ZYG11B: variants seen among roughly 807,000 people sequenced by gnomAD.
ZYG11B encodes protein zyg-11 homolog B.
Under a neutral mutation model 82.4 loss-of-function variants are expected in ZYG11B, and 36 were observed. That is an observed-to-expected ratio of 0.44 (90% CI 0.33 to 0.58). The LOEUF (loss-of-function observed/expected upper bound fraction) is 0.58. Among genes scored for constraint, ZYG11B ranks in the 20% least tolerant of loss-of-function variants. ZYG11B has a pLI of 0.02. For missense variants in ZYG11B, 552 were observed against 895.6 expected (o/e 0.62, Z 4.90); for synonymous variants, 303 against 312.8 (o/e 0.97, Z 0.33).
At chr1:52,781,140 A>G (rs1442429750) in intron 4 of ZYG11B, among the ~76,000 whole-genome samples, 2 of 152,174 alleles carry the variant, frequency 1.3e-5, no homozygotes, top group African/African-American at 2.4e-5. Flanking sequence ...TCTCAAAACA[A>G]CAACAACAAC....
intron 1 of ZYG11B, among the ~76,000 whole-genome samples, chr1:52,753,236 A>G (rs1419055377): frequency 6.6e-6 from 1 of 152,142 alleles, no homozygotes; most frequent in African/African-American, 2.4e-5. Context: ...CTGGGTATAT[A>G]CTTAGGAGTA....
intron 13 of ZYG11B, among the ~76,000 whole-genome samples, chr1:52,817,779 A>G (rs182763397): frequency 0.087 from 1,166 of 13,358 alleles, 34 homozygotes; most frequent in Middle Eastern, 0.2. Flanking sequence ...ATATATGTGT[A>G]TATATATATA....
intron 3 of ZYG11B, among the ~76,000 whole-genome samples, chr1:52,776,229 A>AAAAAAAAAAAAAAAAAATATATATATAT: frequency 1.3e-3 from 31 of 23,498 alleles, no homozygotes; most frequent in African/African-American, 3.0e-3. Context: ...TAAAAAAAAA[A>AAAAAAAAAAAAAAAAAATATATATATAT]ATATATATAT....
chr1:52,745,915 C>A (rs954484196), intron 1 of ZYG11B, among the ~76,000 whole-genome samples: 29 of 150,792 alleles, frequency 1.9e-4, no homozygotes, highest in African/African-American at 6.3e-4. Context: ...GTTGCCCAGG[C>A]TGGAGTGCAA....
chr1:52,783,914 A>ATACATGTGTATATG (rs139331634), intron 4 of ZYG11B, among the ~76,000 whole-genome samples: 4,252 of 114,924 alleles, frequency 0.037, 222 homozygotes, highest in African/African-American at 0.12. Context: ...ATATACATCT[A>ATACATGTGTATATG]TACATATATG....
Position 52,756,470 on chromosome 1 carries a change from C to T in ZYG11B, c.43C>T (p.Pro15Ser). The T allele has an allele frequency of 1.9e-6, 3 of 1,613,764 alleles. No homozygotes were observed. The highest frequency in any genetic ancestry group is 2.5e-6 in the Non-Finnish European group (3 of 1,179,832). Residue 15 changes from proline (P) to serine (S), a missense_variant, in exon 2 of 14, where the codon CCC (proline) becomes TCC (serine). This residue lies in a region of ZYG11B where 359 missense variants were observed against 555.8 expected (regional missense o/e 0.65). Transcript: ENST00000294353. ...QAGAAMEEAS[P>S]YSLLDICLNF... is the part of the protein sequence containing the mutation. ...CCTGGGCTCCAAGGAGGAGGCGTCTCCCTATTCCTTACTTGATATCTGCTT... is the reference window on the plus strand; with the variant it reads ...CCTGGGCTCCAAGGAGGAGGCGTCTTCCTATTCCTTACTTGATATCTGCTT...
intron 8 of ZYG11B, among the ~76,000 whole-genome samples, chr1:52,797,143 A>G (rs1284689393): frequency 2.6e-5 from 2 of 75,820 alleles, no homozygotes; most frequent in Non-Finnish European, 4.3e-5. Flanking sequence ...TTTATATATT[A>G]TATATTATAT....
At chr1:52,785,091 A>C (rs1294884819) in intron 5 of ZYG11B, 38 bp downstream of exon 5, 1 of 1,596,630 alleles carries the variant, frequency 6.3e-7, no homozygotes. Context: ...TAGTCCTTGT[A>C]GTGTCTTCTA....
At chr1:52,731,460 A>T (rs747686165) in intron 1 of ZYG11B, among the ~76,000 whole-genome samples, 3 of 152,180 alleles carry the variant, frequency 2.0e-5, no homozygotes, top group Non-Finnish European at 4.4e-5. Context: ...GCACTTTTTC[A>T]TAGAATACAT....
intron 13 of ZYG11B, among the ~76,000 whole-genome samples, chr1:52,819,805 A>G (rs1433001181): frequency 6.6e-6 from 1 of 150,674 alleles, no homozygotes; most frequent in Non-Finnish European, 1.5e-5. Flanking sequence ...TAATAATAAT[A>G]ATAATAATAG....
rs548969323 is a variant in ZYG11B at position 52,751,358 on chromosome 1, G to A, written c.31-5100G>A. Among the ~76,000 whole-genome samples the A allele has an allele frequency of 2.4e-3, 366 of 149,506 alleles. 3 individuals are homozygous for A. Among genetic ancestry groups the A allele is most frequent in the African/African-American group, 8.6e-3 (351 of 40,806 alleles). ...AAAAAAAAAAAAAAATAGCCAGCGC[G>A]GTGGCTCACACCTGTAATCCCAGCA... On this transcript the variant is annotated intron_variant, in intron 1 of 13. Transcript: ENST00000294353.
intron 10 of ZYG11B, among the ~76,000 whole-genome samples, chr1:52,805,701 C>G (rs35581164): frequency 0.39 from 59,170 of 151,858 alleles, 14,924 homozygotes; most frequent in Non-Finnish European, 0.57. Context: ...CCGTGGTGGC[C>G]CATGCCTGTC....
At chr1:52,820,001 G>A (rs920626257) in intron 13 of ZYG11B, among the ~76,000 whole-genome samples, 2 of 150,080 alleles carry the variant, frequency 1.3e-5, no homozygotes, top group African/African-American at 4.9e-5. Flanking sequence ...TGCAAGCTCC[G>A]CCTCCCACTT....
chr1:52,730,353 G>T (rs984560360), intron 1 of ZYG11B, among the ~76,000 whole-genome samples: 1 of 152,082 alleles, frequency 6.6e-6, no homozygotes. Context: ...TTGAGATAGG[G>T]TCTGGCTCTG....
chr1:52,787,656 A>G (rs150183173), intron 5 of ZYG11B, among the ~76,000 whole-genome samples: 174 of 152,352 alleles, frequency 1.1e-3, no homozygotes, highest in Non-Finnish European at 2.2e-3. Flanking sequence ...AAGATAACAG[A>G]CTTACAGAAT....
chr1:52,765,151 T>A (rs945739055), intron 2 of ZYG11B, among the ~76,000 whole-genome samples: 4 of 151,706 alleles, frequency 2.6e-5, no homozygotes, highest in African/African-American at 4.8e-5. Flanking sequence ...CCTCCCAAAG[T>A]GCTAGGATTA....
chr1:52,796,513 A>G (rs980213480), intron 7 of ZYG11B, 122 bp downstream of exon 7: 15 of 969,696 alleles, frequency 1.5e-5, no homozygotes, highest in African/African-American at 3.3e-5. Context: ...TGCTTATTCA[A>G]GCTACATTCG....
chr1:52,781,146 A>G (rs1489047768), intron 4 of ZYG11B, among the ~76,000 whole-genome samples: 1 of 152,132 alleles, frequency 6.6e-6, no homozygotes, highest in Non-Finnish European at 1.5e-5. Context: ...AACAACAACA[A>G]CAACAACAAC....
At chr1:52,759,055 C>T (rs1021612987) in intron 2 of ZYG11B, among the ~76,000 whole-genome samples, 1 of 152,122 alleles carries the variant, frequency 6.6e-6, no homozygotes, top group Non-Finnish European at 1.5e-5. Context: ...CCTCAGCCTC[C>T]TGAGTAGCTG....
Sources: gnomAD v4.1 joint callset for allele counts (sites outside exome capture counted in the v4.1 genomes callset) on GRCh38, gnomAD v4.1.1 for gene constraint, gnomAD v4.1.1 regional missense constraint, MANE v1.5 for transcripts, NCBI Gene and HGNC (gene_info 2026-07-23, HGNC 2026-07-21) for gene names.